The following SLC22A5 variants were observed in gnomAD, a reference collection of about 807,000 sequenced individuals.
The protein encoded by SLC22A5 is solute carrier family 22 member 5.
Under a neutral mutation model 56.7 loss-of-function variants are expected in SLC22A5, and 44 were observed. That is an observed-to-expected ratio of 0.78 (90% confidence interval 0.61 to 1.00). The LOEUF (loss-of-function observed/expected upper bound fraction) is 1.00. Among genes scored for constraint, SLC22A5 ranks in the 50% least tolerant of loss-of-function variants. The pLI is 0.00. For synonymous variants in SLC22A5, 278 were observed against 292.1 expected, an observed-to-expected ratio of 0.95 and a Z score of 0.49; for missense variants, 675 against 723.0, an observed-to-expected ratio of 0.93 and a Z score of 0.76.
chr5:132,391,672 T>A (rs1205988178), intron 7 of SLC22A5, among the ~76,000 whole-genome samples: 1 of 152,160 alleles, frequency 6.6e-6, no homozygotes, highest in African/African-American at 2.4e-5. Context: ...AGGATTTTAT[T>A]TCTGAAACTA....
chr5:132,392,246 A>G (rs532370515), intron 7 of SLC22A5, among the ~76,000 whole-genome samples, 187 bp from the exon 8 acceptor site: 1 of 152,348 alleles, frequency 6.6e-6, no homozygotes, highest in South Asian at 2.1e-4. Flanking sequence ...TTATAGCTGC[A>G]GGTCCCAGCC....
chr5:132,378,035 C>T lies in SLC22A5; in HGVS notation c.394-343C>T, dbSNP rs189040203. On this transcript the variant is annotated intron_variant, in intron 1 of 9. Transcript: ENST00000245407. ...CTGAACCCCACTGAGCGAGGGTGCC[C>T]TGCCTCTTCCACAGCCCTGGGCTCC... 2.1e-6 allele frequency: 3 copies of T among 1,461,500 alleles called. No homozygotes were observed. The Admixed American group carries it at 7.2e-5, about 35-fold the overall frequency. 90.5% of individuals were successfully genotyped at this position (1,461,500 alleles called of 1,614,324 possible).
intron 5 of SLC22A5, 57 bp from the exon 6 acceptor site, chr5:132,388,864 T>C: frequency 9.3e-7 from 1 of 1,071,858 alleles, no homozygotes; most frequent in South Asian, 1.2e-5. Context: ...TGTTATTGTG[T>C]GCTCTGAGTC....
chr5:132,382,162 A>G (rs1188670744), intron 2 of SLC22A5: 3 of 152,172 alleles, frequency 2.0e-5, no homozygotes, highest in Non-Finnish European at 2.9e-5. Flanking sequence ...AGTGATGGAA[A>G]AAAACAACAA....
At chr5:132,383,917 A>T in intron 2 of SLC22A5, 1 of 585,576 alleles carries the variant, frequency 1.7e-6, no homozygotes. Context: ...TAATTGTAGC[A>T]TTGCTTTTTA....
Position 132,395,211 on chromosome 5 carries a change from C to CT in SLC22A5, c.*956dup, listed in dbSNP as rs4646307. ...GGTTCCTTAGCCTCCTGGTTTGTGT[C>CT]TTTTTTTTTTTTTTTTTAAAACAGA... is the stretch of plus-strand genomic sequence containing the variant. On this transcript the variant is annotated 3_prime_UTR_variant, in exon 10 of 10. Coordinates refer to ENST00000245407, the MANE Select transcript of SLC22A5 (RefSeq NM_003060.4). 0.11 allele frequency: 11,160 copies of CT among 103,496 alleles called. 540 individuals are homozygous for CT. The highest frequency in any genetic ancestry group is 0.34 in the East Asian group (1,317 of 3,858). 6.4% of individuals were successfully genotyped at this position (103,496 alleles called of 1,614,324 possible). A position where few individuals can be genotyped will look rare whatever the true frequency, so the allele number is the denominator to read the frequency against.
At chr5:132,372,888 C>T (rs1000745273) in intron 1 of SLC22A5, among the ~76,000 whole-genome samples, 17 of 152,218 alleles carry the variant, frequency 1.1e-4, no homozygotes, top group African/African-American at 4.1e-4. Flanking sequence ...TAAGCCTGCC[C>T]TCTGCCCCAA....
In SLC22A5 at chr5:132,394,449, G is replaced by C. The variant is rs1752813202; in HGVS notation, c.*177G>C. The C allele has an allele frequency of 1.5e-6, 1 of 649,332 alleles. No individual in the cohort carries two copies. 40.2% of individuals were successfully genotyped at this position (649,332 alleles called of 1,614,324 possible). A position where few individuals can be genotyped will look rare whatever the true frequency, so the allele number is the denominator to read the frequency against. ...CTCAGAGGCTACATATGGCCCTAGA[G>C]CACCACCTTCCTCTAGGGACACTGG... On this transcript the variant is annotated 3_prime_UTR_variant, in exon 10 of 10. Coordinates refer to ENST00000245407, the MANE Select transcript of SLC22A5 (RefSeq NM_003060.4).
Position 132,378,582 on chromosome 5 carries a change from G to A in SLC22A5, c.497+101G>A, listed in dbSNP as rs149896468. The stretch of plus-strand genomic sequence containing the variant: ...GTTGGTAGTATTCTTTCAGCGCAGG[G>A]CCCTGTATTTTAAAGAAGAGGAAGC... On this transcript the variant is annotated intron_variant, in intron 2 of 9. Transcript: ENST00000245407. 1.5e-3 allele frequency: 1,341 copies of A among 881,908 alleles called. 3 individuals carry two copies. The highest frequency in any genetic ancestry group is 0.012 in the East Asian group (482 of 41,572). The allele number at this position is 881,908 out of a possible 1,614,324, so 54.6% of individuals were successfully genotyped here. A position where few individuals can be genotyped will look rare whatever the true frequency, so the allele number is the denominator to read the frequency against.
intron 4 of SLC22A5, 106 bp from the exon 5 acceptor site, chr5:132,386,919 A>G: frequency 8.3e-7 from 1 of 1,205,624 alleles, no homozygotes; most frequent in Non-Finnish European, 1.2e-6. Flanking sequence ...ACATTCCACA[A>G]GCTCTGGTTC....
At chr5:132,387,400 C>T (rs1312842427) in intron 5 of SLC22A5, among the ~76,000 whole-genome samples, 2 of 150,162 alleles carry the variant, frequency 1.3e-5, no homozygotes, top group African/African-American at 4.9e-5. Context: ...TTTTTTACTT[C>T]CTTTCTAGGC....
At chr5:132,373,671 T>A (rs1399247025) in intron 1 of SLC22A5, among the ~76,000 whole-genome samples, 3 of 152,052 alleles carry the variant, frequency 2.0e-5, no homozygotes, top group Non-Finnish European at 4.4e-5. Flanking sequence ...ATAAAAATGA[T>A]TTATGAGGTA....
At chr5:132,383,099 C>A (rs946388843) in intron 2 of SLC22A5, 2 of 152,262 alleles carry the variant, frequency 1.3e-5, no homozygotes, top group Non-Finnish European at 2.9e-5. Flanking sequence ...TGACCACCAC[C>A]AAGTCGAGCA....
rs779280690 is a variant in SLC22A5, at chr5:132,385,454, T to C, written c.779T>C (p.Leu260Pro). Residue 260 changes from leucine to proline, a missense_variant, in exon 4 of 10, where the codon CTG (leucine) becomes CCG (proline). By Grantham distance (98) the Leu-to-Pro change is moderately conservative (BLOSUM62 -3). Transcript: ENST00000245407. ...TTCATCCGAGACTGGCGGATGCTGC[T>C]GGTGGCGCTGACGATGCCGGGGGTG... ...AYFIRDWRML[L>P]VALTMPGVLC... The C allele has an allele frequency of 6.2e-7, 1 of 1,614,216 alleles. No homozygotes were observed. The highest frequency in any genetic ancestry group is 1.7e-5 in the Admixed American group (1 of 60,032).
In SLC22A5 at chr5:132,369,983, A is replaced by G; in HGVS notation, c.11A>G (p.Tyr4Cys). 1 of 1,613,050 alleles carries G rather than the reference A, an allele frequency of 6.2e-7. No homozygotes were observed. Among genetic ancestry groups the G allele is most frequent in the Non-Finnish European group, 8.5e-7 (1 of 1,179,658 alleles). Residue 4 changes from tyrosine (Y) to cysteine (C), a missense_variant, in exon 1 of 10, where the codon TAC becomes TGC. Transcript: ENST00000245407. ...GCCTCTGAGGGCGGCATGCGGGACT[A>G]CGACGAGGTGACCGCCTTCCTGGGC... MRD[Y>C]DEVTAFLGEW...
rs1412128597 is a variant in SLC22A5, at chr5:132,370,124, G to A, written c.152G>A (p.Arg51Gln). ...FLIATPEHRC[R>Q]VPDAANLSSA... ...ATAGCGACCCCGGAGCACCGCTGCCGGGTGCCGGACGCCGCGAACCTGAGC... is the reference window on the plus strand; with the variant it reads ...ATAGCGACCCCGGAGCACCGCTGCCAGGTGCCGGACGCCGCGAACCTGAGC... The change falls in exon 1 of 10, where the codon CGG becomes CAG. Residue 51 changes from arginine to glutamine, a missense_variant. By Grantham distance (43) the Arg-to-Gln change is conservative. Transcript: ENST00000245407. 2 of 1,611,100 alleles carry A rather than the reference G, an allele frequency of 1.2e-6. No homozygotes were observed. The highest frequency in any genetic ancestry group is 3.3e-5 in the Admixed American group (2 of 59,802).
At chr5:132,394,089 C>A in intron 9 of SLC22A5, 96 bp from the exon 10 acceptor site, 1 of 905,490 alleles carries the variant, frequency 1.1e-6, no homozygotes, top group Non-Finnish European at 1.8e-6. Flanking sequence ...GCAGGATTCT[C>A]TTCCCAGGGA....
chr5:132,378,021 T>G (rs1291754142), intron 1 of SLC22A5: 12 of 1,371,364 alleles, frequency 8.8e-6, no homozygotes, highest in Admixed American at 7.8e-5. Context: ...TGAACCCCAC[T>G]GAGCGAGGGT....
chr5:132,385,038 CAT>C (rs1752473819), intron 3 of SLC22A5, among the ~76,000 whole-genome samples: 1 of 152,178 alleles, frequency 6.6e-6, no homozygotes, highest in East Asian at 1.9e-4. Flanking sequence ...AATTCTTCCT[CAT>C]GTGAGGATTA....
Sources: allele counts gnomAD v4.1 joint callset (sites outside exome capture counted in the v4.1 genomes callset), GRCh38; gene constraint gnomAD v4.1.1; transcripts MANE v1.5; gene names NCBI Gene and HGNC (gene_info 2026-07-23, HGNC 2026-07-21).